NDUFAF6: variants seen among roughly 807,000 people sequenced by gnomAD.
The protein encoded by NDUFAF6 is NADH:ubiquinone oxidoreductase complex assembly factor 6.
Under a neutral mutation model 40.8 loss-of-function variants are expected in NDUFAF6, and 45 were observed. The ratio of observed to expected loss-of-function variants is 1.10; its 90% CI spans 0.87 to 1.42. The LOEUF (loss-of-function observed/expected upper bound fraction) is 1.42, where lower values mean the gene tolerates loss of function less well. Ranked by LOEUF, NDUFAF6 falls within the 40% of genes most tolerant of loss-of-function variation. The pLI is 0.00. For missense variants in NDUFAF6, 435 were observed against 418.5 expected (o/e 1.04, Z -0.34); for synonymous variants, 185 against 155.9 (o/e 1.19, Z -1.39).
rs531373311 is a variant in NDUFAF6 at position 95,050,384 on chromosome 8, G to GA, written c.817-1789dup. On this transcript the variant is annotated intron_variant, in intron 7 of 8. Coordinates refer to ENST00000396124, the MANE Select transcript of NDUFAF6 (RefSeq NM_152416.4). ...GGATTGAAGAGATTATGGAGTTGTA[G>GA]AGGCTTTTGAGAGGCATTAGAGTAT... is the stretch of plus-strand genomic sequence containing the variant. Among the ~76,000 whole-genome samples, 26 of 152,294 alleles carry GA rather than the reference G, an allele frequency of 1.7e-4. No individual in the cohort carries two copies. In the South Asian group the frequency reaches 5.0e-3, roughly 29 times the overall value.
intron 4 of NDUFAF6, among the ~76,000 whole-genome samples, chr8:95,115,217 T>C (rs1239906580): frequency 1.3e-5 from 2 of 152,208 alleles, no homozygotes; most frequent in African/African-American, 4.8e-5. Flanking sequence ...AAAAAGTTTG[T>C]CTTGAACACC....
At chr8:94,928,296 CT>C (rs1236884727) in intron 1 of NDUFAF6, 1 of 152,220 alleles carries the variant, frequency 6.6e-6, no homozygotes, top group African/African-American at 2.4e-5. Flanking sequence ...CAAACAAAAT[CT>C]CATGGCTGAA....
intron 1 of NDUFAF6, chr8:94,940,342 G>A: frequency 8.6e-7 from 1 of 1,169,068 alleles, no homozygotes; most frequent in Non-Finnish European, 1.2e-6. Flanking sequence ...AAAAAGAAGA[G>A]ATGATACTAT....
intron 1 of NDUFAF6, among the ~76,000 whole-genome samples, chr8:95,025,483 A>G (rs950920941): frequency 3.3e-5 from 5 of 152,202 alleles, no homozygotes; most frequent in South Asian, 2.1e-4. Flanking sequence ...GCGTTTTTGC[A>G]TGAATAACCT....
chr8:94,916,142 G>GA (rs1819109085), intron 1 of NDUFAF6, among the ~76,000 whole-genome samples: 1 of 152,174 alleles, frequency 6.6e-6, no homozygotes, highest in Non-Finnish European at 1.5e-5. Flanking sequence ...GTAGCTGGGG[G>GA]AAGTAGCAAG....
Position 95,091,921 on chromosome 8 carries a change from A to G in NDUFAF6, n.214-9211A>G, listed in dbSNP as rs541303273. Among the ~76,000 whole-genome samples, 4 of 121,698 alleles carry G rather than the reference A, an allele frequency of 3.3e-5. No individual in the cohort carries two copies. The South Asian group carries it at 1.2e-3, about 36-fold the overall frequency. The allele number at this position is 121,698 out of a possible 152,430, so 79.8% of individuals were successfully genotyped here. A position where few individuals can be genotyped will look rare whatever the true frequency, so the allele number is the denominator to read the frequency against. Reference sequence around the variant, plus strand: ...GCACCAGGACTTTTCCTGTTTCTTAATTCCTTTAAGGCAAGCCCAACTCTG... The same window carrying G: ...GCACCAGGACTTTTCCTGTTTCTTAGTTCCTTTAAGGCAAGCCCAACTCTG... On this transcript the variant is annotated intron_variant and non_coding_transcript_variant, in intron 2 of 5. Transcript: ENST00000523184.
chr8:95,043,797 T>C (rs1269326241), intron 4 of NDUFAF6, among the ~76,000 whole-genome samples: 1 of 152,198 alleles, frequency 6.6e-6, no homozygotes, highest in Non-Finnish European at 1.5e-5. Context: ...GAATGTGAAA[T>C]GGTGCAGCTG....
At chr8:94,980,519 C>G (rs1825346889) in intron 1 of NDUFAF6, among the ~76,000 whole-genome samples, 1 of 142,428 alleles carries the variant, frequency 7.0e-6, no homozygotes, top group South Asian at 2.3e-4. Flanking sequence ...TCTCGGCTCA[C>G]TGCAACCTCC....
intron 9 of NDUFAF6, among the ~76,000 whole-genome samples, chr8:95,073,812 T>A (rs1433319476): frequency 8.6e-5 from 13 of 151,842 alleles, no homozygotes; most frequent in African/African-American, 3.1e-4. Context: ...ACCCAAAGAG[T>A]AAAAGAGACT....
At chr8:94,922,576 T>G (rs1427650804) in intron 1 of NDUFAF6, among the ~76,000 whole-genome samples, 1 of 151,646 alleles carries the variant, frequency 6.6e-6, no homozygotes, top group Non-Finnish European at 1.5e-5. Flanking sequence ...CCTCCCGGGT[T>G]CAAGCAATTC....
chr8:94,915,063 C>A (rs1433271086), intron 1 of NDUFAF6, among the ~76,000 whole-genome samples: 2 of 151,992 alleles, frequency 1.3e-5, no homozygotes, highest in African/African-American at 2.4e-5. Context: ...CAACACTTTT[C>A]CCCTATTCCC....
At chr8:94,897,193 T>G (rs978515590) in intron 1 of NDUFAF6, among the ~76,000 whole-genome samples, 1 of 152,196 alleles carries the variant, frequency 6.6e-6, no homozygotes, top group African/African-American at 2.4e-5. Flanking sequence ...TTTGTGGGAA[T>G]CATCTTTGAA....
At position 94,948,365 on chromosome 8, in the gene NDUFAF6, G is replaced by T. The variant is rs138143359; in HGVS notation, c.-799+2746G>T. On this transcript the variant is annotated intron_variant, in intron 2 of 14. Coordinates refer to the NDUFAF6 transcript ENST00000396113. Reference sequence around the variant, plus strand: ...TATGAGAATCAACTGGGGCGATAAAGCAAAGCCCCCAGCATAGTATATGGC... The same window carrying T: ...TATGAGAATCAACTGGGGCGATAAATCAAAGCCCCCAGCATAGTATATGGC... Among the ~76,000 whole-genome samples, 50 of 152,342 alleles carry T rather than the reference G, an allele frequency of 3.3e-4. No homozygotes were observed. In the East Asian group the frequency reaches 9.6e-3, roughly 29 times the overall value.
intron 1 of NDUFAF6, among the ~76,000 whole-genome samples, chr8:94,933,839 G>A (rs1209851171): frequency 1.3e-5 from 2 of 148,340 alleles, no homozygotes; most frequent in Non-Finnish European, 3.0e-5. Context: ...CTTTGTGGGG[G>A]GGGGGGGAGG....
At chr8:95,021,414 T>C (rs1047348001), upstream of NDUFAF6, among the ~76,000 whole-genome samples, 1 of 152,196 alleles carries the variant, frequency 6.6e-6, no homozygotes, top group Non-Finnish European at 1.5e-5. Flanking sequence ...AGTTATGCAA[T>C]AGAATTGTGG....
At chr8:94,950,771 G>A (rs957549181) in intron 2 of NDUFAF6, 4 of 152,082 alleles carry the variant, frequency 2.6e-5, no homozygotes, top group Non-Finnish European at 5.9e-5. Flanking sequence ...TTCTCCCTAG[G>A]AATCCATTGA....
chr8:95,048,607 G>C, intron 7 of NDUFAF6, 49 bp downstream of exon 7: 1 of 1,272,426 alleles, frequency 7.9e-7, no homozygotes, highest in South Asian at 1.2e-5. Context: ...ATCATTTCTA[G>C]ATGTGGCTCT....
chr8:95,091,197 A>T (rs909750592), intron 2 of NDUFAF6, among the ~76,000 whole-genome samples: 1 of 152,144 alleles, frequency 6.6e-6, no homozygotes, highest in Non-Finnish European at 1.5e-5. Flanking sequence ...TGGGTAATTT[A>T]TAAAGGAAAG....
intron 1 of NDUFAF6, among the ~76,000 whole-genome samples, chr8:94,979,806 C>T (rs149474746): frequency 5.9e-5 from 9 of 152,024 alleles, no homozygotes; most frequent in African/African-American, 1.7e-4. Context: ...GAAGACAGGC[C>T]GGAATGGGCT....
Sources: allele counts gnomAD v4.1 joint callset (sites outside exome capture counted in the v4.1 genomes callset), GRCh38; gene constraint gnomAD v4.1.1; transcripts MANE v1.5; gene names NCBI Gene and HGNC (gene_info 2026-07-23, HGNC 2026-07-21).